EMP2: variants seen among roughly 807,000 people sequenced by gnomAD.
The protein encoded by EMP2 is epithelial membrane protein 2.
EMP2 carries 19 observed loss-of-function variants against 13.7 expected under a neutral mutation model. The ratio of observed to expected loss-of-function variants is 1.38; its 90% CI spans 0.97 to 2.03. EMP2 has a LOEUF of 2.03. EMP2 is among the 30% of genes most tolerant of loss of function. EMP2 has a pLI of 0.00. For synonymous variants in EMP2, 97 were observed against 84.7 expected (o/e 1.15, Z -0.80); for missense variants, 253 against 220.7 (o/e 1.15, Z -0.93).
chr16:10,549,846 T>C (rs1183035692), intron 1 of EMP2, among the ~76,000 whole-genome samples: 4 of 151,782 alleles, frequency 2.6e-5, no homozygotes, highest in Non-Finnish European at 5.9e-5. Context: ...CAAGGACATT[T>C]TCTTTCTTTT....
intron 1 of EMP2, among the ~76,000 whole-genome samples, chr16:10,577,452 A>T (rs1194484967): frequency 6.6e-6 from 1 of 152,010 alleles, no homozygotes; most frequent in Non-Finnish European, 1.5e-5. Context: ...GATGCATCTG[A>T]TTCCTGCCAC....
At chr16:10,572,898 G>A (rs890679421) in intron 1 of EMP2, among the ~76,000 whole-genome samples, 2 of 152,184 alleles carry the variant, frequency 1.3e-5, no homozygotes, top group African/African-American at 4.8e-5. Context: ...AAACTGTGAT[G>A]AGTTAGAGAA....
intron 1 of EMP2, among the ~76,000 whole-genome samples, chr16:10,577,439 C>A (rs1209371402): frequency 5.9e-5 from 9 of 152,154 alleles, no homozygotes; most frequent in Admixed American, 3.9e-4. Flanking sequence ...CTAACAAGAG[C>A]CAGATGCATC....
intron 3 of EMP2, among the ~76,000 whole-genome samples, chr16:10,540,519 TAAATAAAC>T (rs1256199384): frequency 3.0e-4 from 46 of 151,198 alleles, no homozygotes; most frequent in African/African-American, 1.0e-3. Context: ...AATAAATAAA[TAAATAAAC>T]AAATAAATAA....
chr16:10,545,588 G>C (rs1366158082), intron 2 of EMP2: 2 of 161,198 alleles, frequency 1.2e-5, no homozygotes, highest in African/African-American at 2.4e-5. Flanking sequence ...TCTAATGCCT[G>C]ATGATCTGTC....
chr16:10,554,813 G>C (rs190661060), intron 1 of EMP2, among the ~76,000 whole-genome samples: 2 of 152,134 alleles, frequency 1.3e-5, no homozygotes, highest in East Asian at 3.9e-4. Flanking sequence ...TTCACCCTCA[G>C]CTGGCTCTCT....
At chr16:10,567,855 G>T (rs9926515) in intron 1 of EMP2, among the ~76,000 whole-genome samples, 7,510 of 152,264 alleles carry the variant, frequency 0.049, 613 homozygotes, top group African/African-American at 0.17. Flanking sequence ...AGGCATTGGA[G>T]ATAGTCTCCA....
intron 4 of EMP2, among the ~76,000 whole-genome samples, chr16:10,534,149 G>T (rs916598739): frequency 2.6e-5 from 4 of 152,026 alleles, no homozygotes; most frequent in African/African-American, 9.7e-5. Context: ...CCTGAAAAGA[G>T]AGCGATGAGG....
chr16:10,579,738 A>ACACACC (rs748732742), intron 1 of EMP2, among the ~76,000 whole-genome samples: 9 of 145,202 alleles, frequency 6.2e-5, no homozygotes, highest in South Asian at 4.4e-4. Context: ...ACACACACAC[A>ACACACC]CCCTCAAAGC....
chr16:10,551,406 T>C (rs906173539), intron 1 of EMP2, among the ~76,000 whole-genome samples: 1 of 152,236 alleles, frequency 6.6e-6, no homozygotes, highest in East Asian at 1.9e-4. Context: ...TGAAATAGGA[T>C]TTTCGTTTGT....
intron 1 of EMP2, among the ~76,000 whole-genome samples, chr16:10,578,656 C>G (rs2051001273): frequency 6.6e-6 from 1 of 152,244 alleles, no homozygotes; most frequent in Non-Finnish European, 1.5e-5. Context: ...TCCGTGGTTT[C>G]CAACACAAAC....
intron 1 of EMP2, among the ~76,000 whole-genome samples, chr16:10,562,336 TTCTCTCTCTCTCTCTCTCTC>T (rs540802206): frequency 4.0e-5 from 5 of 124,112 alleles, no homozygotes; most frequent in African/African-American, 1.6e-4. Flanking sequence ...CTCATGCATG[TTCTCTCTCTCTCTCTCTCTC>T]TCTCTCTCTC....
intron 1 of EMP2, among the ~76,000 whole-genome samples, chr16:10,558,062 C>G (rs1361563559): frequency 1.3e-5 from 2 of 149,702 alleles, no homozygotes; most frequent in Non-Finnish European, 3.0e-5. Context: ...CAGGATCTCT[C>G]TCTGTTGCCC....
chr16:10,566,805 G>A (rs1010068087), intron 1 of EMP2, among the ~76,000 whole-genome samples: 3 of 152,072 alleles, frequency 2.0e-5, no homozygotes, highest in Non-Finnish European at 2.9e-5. Flanking sequence ...AGGCACTGTG[G>A]GAGGACAGAA....
chr16:10,566,815 A>C (rs1020171243), intron 1 of EMP2, among the ~76,000 whole-genome samples: 1 of 152,152 alleles, frequency 6.6e-6, no homozygotes, highest in Non-Finnish European at 1.5e-5. Context: ...GGAGGACAGA[A>C]AGACATGGAC....
chr16:10,534,335 A>T (rs1278351314), intron 4 of EMP2, among the ~76,000 whole-genome samples: 1 of 152,234 alleles, frequency 6.6e-6, no homozygotes, highest in Non-Finnish European at 1.5e-5. Context: ...CTTGACGCAG[A>T]CGCTGCTAAA....
chr16:10,549,569 T>C (rs2050767112), intron 1 of EMP2, among the ~76,000 whole-genome samples: 1 of 152,216 alleles, frequency 6.6e-6, no homozygotes, highest in African/African-American at 2.4e-5. Context: ...ATTCTTCTTT[T>C]ATTCCAATAA....
chr16:10,541,012 TG>T (rs1024541575), intron 3 of EMP2, among the ~76,000 whole-genome samples: 2 of 151,348 alleles, frequency 1.3e-5, no homozygotes, highest in Non-Finnish European at 2.9e-5. Flanking sequence ...CACTCGAACC[TG>T]GGGGGCAGAG....
At position 10,556,369 on chromosome 16, in the gene EMP2, G is replaced by A. The variant is rs576736625; in HGVS notation, c.-60-8692C>T. On this transcript the variant is annotated intron_variant, in intron 1 of 4. Coordinates refer to ENST00000359543, the MANE Select transcript of EMP2 (RefSeq NM_001424.6). ...TTGGTTACAAGCCTGCGGTTGGCCT[G>A]ATTCTTTGCAGTGCACATTCTCCAG... 2.6e-5 allele frequency among the ~76,000 whole-genome samples: 4 copies of A among 152,300 alleles called. No homozygotes were observed. In the East Asian group the frequency reaches 7.7e-4, roughly 29 times the overall value.
Sources: gnomAD v4.1 joint callset for allele counts (sites outside exome capture counted in the v4.1 genomes callset) on GRCh38, gnomAD v4.1.1 for gene constraint, MANE v1.5 for transcripts, NCBI Gene and HGNC (gene_info 2026-07-23, HGNC 2026-07-21) for gene names.